MRPS28: variants seen among roughly 807,000 people sequenced by gnomAD.
MRPS28 encodes small ribosomal subunit protein bS1m.
MRPS28 carries 7 observed loss-of-function variants against 10.8 expected under a neutral mutation model. The observed-to-expected ratio is 0.65, with a 90% CI of 0.37 to 1.22. The LOEUF is 1.22. Among genes scored for constraint, MRPS28 ranks in the 50% most tolerant of loss-of-function variants. The probability of loss-of-function intolerance (pLI) is 0.02; values close to 1 mark genes in which losing one functional copy is unlikely to be tolerated. For synonymous variants in MRPS28, 121 were observed against 93.3 expected (o/e 1.30, Z -1.71); for missense variants, 265 against 232.9 (o/e 1.14, Z -0.90).
At chr8:79,947,208 A>T (rs568324352) in intron 2 of MRPS28, among the ~76,000 whole-genome samples, 2 of 152,300 alleles carry the variant, frequency 1.3e-5, no homozygotes, top group East Asian at 3.9e-4. Context: ...ATGAAAAGAT[A>T]AAACACCTTA....
intron 1 of MRPS28, among the ~76,000 whole-genome samples, chr8:80,009,425 T>C (rs1426795924): frequency 6.6e-6 from 1 of 151,090 alleles, no homozygotes; most frequent in African/African-American, 2.4e-5. Context: ...TAAAGTATAA[T>C]AAAAAATAAA....
chr8:79,975,386 C>G (rs117015491), intron 2 of MRPS28, among the ~76,000 whole-genome samples: 6,299 of 152,022 alleles, frequency 0.041, 183 homozygotes, highest in Non-Finnish European at 0.058. Context: ...AAGGCAAAAG[C>G]CTTTGTAAGT....
intron 2 of MRPS28, among the ~76,000 whole-genome samples, chr8:79,964,589 G>A (rs1469417868): frequency 6.6e-6 from 1 of 152,012 alleles, no homozygotes; most frequent in Non-Finnish European, 1.5e-5. Flanking sequence ...CTAGCTGTAT[G>A]ATCTTACATA....
chr8:80,007,907 A>T (rs1808903597), intron 1 of MRPS28, among the ~76,000 whole-genome samples: 1 of 152,232 alleles, frequency 6.6e-6, no homozygotes, highest in African/African-American at 2.4e-5. Flanking sequence ...TTCTTCACAG[A>T]ATTGGAAAAA....
At chr8:80,029,964 C>A in intron 1 of MRPS28, 72 bp downstream of exon 1, 1 of 1,559,760 alleles carries the variant, frequency 6.4e-7, no homozygotes, top group African/African-American at 1.4e-5. Flanking sequence ...AGGCTCCGCC[C>A]CTATTCCCGA....
rs1343044644 is a variant in MRPS28, at chr8:79,936,211, C to T, written c.396-17063G>A. 3.3e-5 allele frequency among the ~76,000 whole-genome samples: 5 copies of T among 150,998 alleles called. No individual in the cohort carries two copies. In the East Asian group the frequency reaches 9.7e-4, roughly 29 times the overall value. ...AGCATCATGGCATGCTCTTGCAGTCCCAGCTACTTGTGAGCTGAGGTGGGA... is the reference window on the plus strand; with the variant it reads ...AGCATCATGGCATGCTCTTGCAGTCTCAGCTACTTGTGAGCTGAGGTGGGA... On this transcript the variant is annotated intron_variant, in intron 2 of 2. Transcript: ENST00000276585.
chr8:79,976,395 T>C (rs1285385346), intron 2 of MRPS28, among the ~76,000 whole-genome samples: 1 of 152,212 alleles, frequency 6.6e-6, no homozygotes, highest in Admixed American at 6.5e-5. Context: ...GTTAAGAACC[T>C]TTTTTAAAAC....
intron 1 of MRPS28, among the ~76,000 whole-genome samples, chr8:80,007,105 G>A (rs1226041128): frequency 6.6e-6 from 1 of 152,182 alleles, no homozygotes; most frequent in East Asian, 1.9e-4. Context: ...TGGGATGCAA[G>A]GCTGGTTCAA....
In MRPS28 at chr8:80,003,099, G is replaced by A. The variant is rs1808707474; in HGVS notation, c.295C>T (p.Leu99=). The A allele has an allele frequency of 6.2e-7, 1 of 1,613,636 alleles. No homozygotes were observed. Among genetic ancestry groups the A allele is most frequent in the Non-Finnish European group, 8.5e-7 (1 of 1,179,852 alleles). ...LTQMGPAKDK[L]VIGRIFHIVE... Reference sequence around the variant, plus strand: ...ATATGAAAGATCCGTCCAATGACCAGTTTATCCTTTGCAGGTCCCATCTGT... The same window carrying A: ...ATATGAAAGATCCGTCCAATGACCAATTTATCCTTTGCAGGTCCCATCTGT... Residue 99 remains leucine (L), a synonymous_variant, in exon 2 of 3, where the codon CTG becomes TTG. Coordinates refer to ENST00000276585, the MANE Select transcript of MRPS28 (RefSeq NM_014018.3).
chr8:79,976,335 G>A (rs556887882), intron 2 of MRPS28, among the ~76,000 whole-genome samples: 35 of 151,942 alleles, frequency 2.3e-4, no homozygotes, highest in Admixed American at 5.9e-4. Flanking sequence ...TGCCTGCCTC[G>A]GCCTCCCAAA....
At chr8:79,958,277 T>C in intron 2 of MRPS28, 1 of 651,548 alleles carries the variant, frequency 1.5e-6, no homozygotes, top group South Asian at 1.7e-5. Flanking sequence ...CTTTTGTGAA[T>C]GGCTTCTTTC....
intron 2 of MRPS28, among the ~76,000 whole-genome samples, chr8:79,936,963 C>T (rs1206058670): frequency 1.3e-5 from 2 of 152,110 alleles, no homozygotes; most frequent in Non-Finnish European, 2.9e-5. Context: ...TGGGTTCAAG[C>T]GATTCTCCCA....
chr8:80,030,020 C>A lies in MRPS28; in HGVS notation c.213+16G>T. 6.2e-7 allele frequency: 1 copy of A among 1,603,884 alleles called. No homozygotes were observed. The highest frequency in any genetic ancestry group is 8.5e-7 in the Non-Finnish European group (1 of 1,176,206). ...GCGTAATTCCCGCGACTCCCTCTCA[C>A]CCGCCCGGGCTCCACCTTCTGTAGG... On this transcript the variant is annotated intron_variant, in intron 1 of 2. Transcript: ENST00000276585.
At chr8:80,028,649 C>CGGG (rs1391638801) in intron 1 of MRPS28, 1 of 4,538 alleles carries the variant, frequency 2.2e-4, no homozygotes, top group African/African-American at 1.4e-3. Flanking sequence ...AGAAGACGGG[C>CGGG]GGGGGGGGCG....
intron 1 of MRPS28, among the ~76,000 whole-genome samples, chr8:80,019,694 G>A (rs1367758765): frequency 5.3e-5 from 8 of 151,960 alleles, no homozygotes; most frequent in African/African-American, 1.9e-4. Context: ...ATAAAACTGT[G>A]TATGATCATG....
Position 79,987,488 on chromosome 8 carries a change from C to T in MRPS28, c.395+15511G>A, listed in dbSNP as rs1402868625. Reference sequence around the variant, plus strand: ...AGAAACTACCATCAGAGTGAACAGGCAACCTACAGAATGGGAGAAAATTTT... The same window carrying T: ...AGAAACTACCATCAGAGTGAACAGGTAACCTACAGAATGGGAGAAAATTTT... On this transcript the variant is annotated intron_variant, in intron 2 of 2. Coordinates refer to ENST00000276585, the MANE Select transcript of MRPS28 (RefSeq NM_014018.3). Among the ~76,000 whole-genome samples the T allele has an allele frequency of 1.1e-4, 16 of 152,190 alleles. No homozygotes were observed. The East Asian group carries it at 2.9e-3, about 28-fold the overall frequency.
rs577599389 is a variant in MRPS28, at chr8:79,935,278, G to A, written c.396-16130C>T. Among the ~76,000 whole-genome samples, 250 of 152,278 alleles carry A rather than the reference G, an allele frequency of 1.6e-3. 1 individual carries two copies. Among genetic ancestry groups the A allele is most frequent in the African/African-American group, 6.0e-3 (249 of 41,572 alleles). ...CCCCAATCCTGACTAGTACTGTATGGCTGCCAAGAGGAACATCTGTGTGCT... is the reference window on the plus strand; with the variant it reads ...CCCCAATCCTGACTAGTACTGTATGACTGCCAAGAGGAACATCTGTGTGCT... On this transcript the variant is annotated intron_variant, in intron 2 of 2. Coordinates refer to ENST00000276585, the MANE Select transcript of MRPS28 (RefSeq NM_014018.3).
intron 2 of MRPS28, among the ~76,000 whole-genome samples, chr8:79,971,157 T>C (rs1807622975): frequency 6.6e-6 from 1 of 152,158 alleles, no homozygotes; most frequent in East Asian, 1.9e-4. Context: ...TCAGATCATT[T>C]CCTCAAAATT....
intron 2 of MRPS28, among the ~76,000 whole-genome samples, chr8:79,977,477 GAATT>G (rs1346083281): frequency 5.9e-5 from 9 of 152,072 alleles, no homozygotes; most frequent in Non-Finnish European, 8.8e-5. Context: ...GAGACCAACA[GAATT>G]AATTAAGTTT....
Sources: allele counts gnomAD v4.1 joint callset (sites outside exome capture counted in the v4.1 genomes callset), GRCh38; gene constraint gnomAD v4.1.1; transcripts MANE v1.5; gene names NCBI Gene and HGNC (gene_info 2026-07-23, HGNC 2026-07-21).